MEF2C: variants seen among roughly 807,000 people sequenced by gnomAD.
The protein encoded by MEF2C is myocyte-specific enhancer factor 2C.
In MEF2C, 6 loss-of-function variants were observed where a neutral mutation model predicts 50.5. The ratio of observed to expected loss-of-function variants is 0.12; its 90% CI spans 0.07 to 0.23. The LOEUF is 0.23. Among genes scored for constraint, MEF2C ranks in the 10% least tolerant of loss-of-function variants. The pLI, the probability that MEF2C is intolerant of heterozygous loss-of-function variation, is 1.00. For synonymous variants in MEF2C, 183 were observed against 228.0 expected (o/e 0.80, Z 1.78); for missense variants, 276 against 605.0 (o/e 0.46, Z 5.70).
chr5:88,856,322 G>T (rs1016872550), intron 1 of MEF2C, among the ~76,000 whole-genome samples: 1 of 152,244 alleles, frequency 6.6e-6, no homozygotes, highest in South Asian at 2.1e-4. Context: ...ACAAAAATGT[G>T]GTTTGAAATC....
At chr5:88,852,218 TAA>T (rs1821622545) in intron 1 of MEF2C, among the ~76,000 whole-genome samples, 1 of 152,176 alleles carries the variant, frequency 6.6e-6, no homozygotes, top group African/African-American at 2.4e-5. Context: ...ATCCTTTAAC[TAA>T]ATACTTTAAA....
chr5:88,819,728 TAG>T (rs1212015243), intron 2 of MEF2C, among the ~76,000 whole-genome samples: 2 of 152,002 alleles, frequency 1.3e-5, no homozygotes, highest in South Asian at 4.1e-4. Flanking sequence ...CCATAAACTG[TAG>T]CCTACAAGTG....
chr5:88,886,226 A>T (rs562267551), upstream of MEF2C, among the ~76,000 whole-genome samples: 91 of 152,334 alleles, frequency 6.0e-4, no homozygotes, highest in African/African-American at 2.1e-3. Flanking sequence ...ATCACCTGAG[A>T]TTTAAAATTA....
intron 1 of MEF2C, among the ~76,000 whole-genome samples, chr5:88,849,157 A>AAG (rs1207781835): frequency 6.6e-6 from 1 of 151,860 alleles, no homozygotes; most frequent in Middle Eastern, 3.2e-3. Flanking sequence ...TCTCAAAAAA[A>AAG]AAAAAAAAAA....
rs1355343472 is a variant in MEF2C at position 88,728,518 on chromosome 5, G to T, written c.1075C>A (p.Pro359Thr). 6.6e-7 allele frequency: 1 copy of T among 1,523,244 alleles called. No individual in the cohort carries two copies. The highest frequency in any genetic ancestry group is 2.5e-5 in the East Asian group (1 of 40,058). The allele number at this position is 1,523,244 out of a possible 1,614,324, so 94.4% of individuals were successfully genotyped here. A position where few individuals can be genotyped will look rare whatever the true frequency, so the allele number is the denominator to read the frequency against. The change falls in exon 10 of 11, where the codon CCA (proline) becomes ACA (threonine). Residue 359 changes from proline (P) to threonine (T), a missense_variant. Physicochemically the swap from Pro to Thr is conservative, Grantham distance 38. Transcript: ENST00000504921. ...CCCAACTGACTGAGGGCAGATGGTG[G>T]CATGTTATGTAGGTGTTGCTGTTGC... ...GWQQQHLHNM[P>T]PSALSQLGAC...
intron 1 of MEF2C, among the ~76,000 whole-genome samples, chr5:88,860,075 T>C (rs1824966646): frequency 6.6e-6 from 1 of 152,142 alleles, no homozygotes; most frequent in Non-Finnish European, 1.5e-5. Context: ...AATTCAGCCT[T>C]CTAATAATGA....
intron 1 of MEF2C, among the ~76,000 whole-genome samples, chr5:88,841,527 GA>G (rs140079650): frequency 0.19 from 27,657 of 145,544 alleles, 2,814 homozygotes; most frequent in Middle Eastern, 0.3. Flanking sequence ...AAAAAAAGAA[GA>G]AAAAAAGAAG....
chr5:88,813,788 C>G (rs1408211668), intron 2 of MEF2C, among the ~76,000 whole-genome samples: 1 of 152,072 alleles, frequency 6.6e-6, no homozygotes, highest in African/African-American at 2.4e-5. Context: ...TTCTTTAACT[C>G]ATAAATAGTA....
chr5:88,743,545 A>G lies in MEF2C; in HGVS notation c.637+5525T>C, dbSNP rs1044283010. ...CTAGATGAATTACAAAAACATAAGC[A>G]AAATTTTATGATTATATTATCATAA... On this transcript the variant is annotated intron_variant, in intron 6 of 10. Coordinates refer to ENST00000504921, the MANE Select transcript of MEF2C (RefSeq NM_002397.5). 4.1e-6 allele frequency: 4 copies of G among 980,146 alleles called. No individual in the cohort carries two copies. The African/African-American group carries it at 7.0e-5, about 17-fold the overall frequency. 60.7% of individuals were successfully genotyped at this position (980,146 alleles called of 1,614,324 possible). A position where few individuals can be genotyped will look rare whatever the true frequency, so the allele number is the denominator to read the frequency against.
intron 3 of MEF2C, among the ~76,000 whole-genome samples, chr5:88,803,164 A>G (rs979641314): frequency 6.6e-6 from 1 of 152,214 alleles, no homozygotes. Context: ...CAGTGATCCT[A>G]AATTTCAAGA....
chr5:88,856,067 G>C lies in MEF2C; in HGVS notation c.-143+26888C>G, dbSNP rs149338540. 6.8e-3 allele frequency among the ~76,000 whole-genome samples: 1,029 copies of C among 152,290 alleles called. 14 individuals carry two copies. Among genetic ancestry groups the C allele is most frequent in the African/African-American group, 0.023 (949 of 41,566 alleles). The stretch of plus-strand genomic sequence containing the variant: ...TGACCAAAATACTGATAGTGATATG[G>C]ACAATGAAATCCAGGCTGAGGTGGT... On this transcript the variant is annotated intron_variant, in intron 1 of 10. Transcript: ENST00000504921.
intron 1 of MEF2C, among the ~76,000 whole-genome samples, chr5:88,889,962 A>G (rs575508585): frequency 8.5e-5 from 13 of 152,156 alleles, no homozygotes; most frequent in Non-Finnish European, 1.8e-4. Flanking sequence ...GAAGCGCTCC[A>G]ACCATTTTGC....
At chr5:88,801,491 G>A (rs1798304525) in intron 3 of MEF2C, among the ~76,000 whole-genome samples, 1 of 125,440 alleles carries the variant, frequency 8.0e-6, no homozygotes, top group Admixed American at 8.2e-5. Flanking sequence ...AATTACTTGG[G>A]AACTTTTTTT....
intron 2 of MEF2C, among the ~76,000 whole-genome samples, chr5:88,805,960 T>G (rs777745302): frequency 5.5e-5 from 8 of 146,142 alleles, no homozygotes; most frequent in Admixed American, 1.4e-4. Context: ...TCCTATAAAA[T>G]ACTCCTTAAG....
In MEF2C at chr5:88,760,922, T is replaced by C. The variant is rs1777556311; in HGVS notation, c.402+263A>G. 5 of 1,516,070 alleles carry C rather than the reference T, an allele frequency of 3.3e-6. No homozygotes were observed. In the South Asian group the frequency reaches 5.2e-5, roughly 16 times the overall value. 93.9% of individuals were successfully genotyped at this position (1,516,070 alleles called of 1,614,324 possible). ...GAAGAGTCTTAGAGAAAGCCATCAC[T>C]GAGAGGGTTAAGGTATGTTACTGCA... On this transcript the variant is annotated intron_variant, in intron 4 of 10. Transcript: ENST00000504921.
intron 3 of MEF2C, among the ~76,000 whole-genome samples, chr5:88,773,362 C>T (rs1783267300): frequency 6.6e-6 from 1 of 152,136 alleles, no homozygotes; most frequent in Non-Finnish European, 1.5e-5. Flanking sequence ...GCAACATCTG[C>T]CCCTCAACCC....
chr5:88,744,111 C>T, intron 6 of MEF2C: 3 of 985,080 alleles, frequency 3.0e-6, no homozygotes, highest in Non-Finnish European at 3.6e-6. Context: ...ATCGTATTAT[C>T]AAAGTGAAAA....
intron 3 of MEF2C, among the ~76,000 whole-genome samples, chr5:88,767,133 C>T (rs1446217750): frequency 6.6e-6 from 1 of 152,164 alleles, no homozygotes; most frequent in African/African-American, 2.4e-5. Flanking sequence ...GGACTGTGCC[C>T]AGTGCCTTAC....
At chr5:88,768,970 C>T (rs1450696455) in intron 3 of MEF2C, among the ~76,000 whole-genome samples, 1 of 152,038 alleles carries the variant, frequency 6.6e-6, no homozygotes, top group South Asian at 2.1e-4. Context: ...AAATAGACAC[C>T]CTCAGAAAAA....
Sources: allele counts gnomAD v4.1 joint callset (sites outside exome capture counted in the v4.1 genomes callset), GRCh38; gene constraint gnomAD v4.1.1; transcripts MANE v1.5; gene names NCBI Gene and HGNC (gene_info 2026-07-23, HGNC 2026-07-21).